Variants in ASTN2 observed in about 807,000 individuals in gnomAD.
ASTN2 encodes astrotactin 2.
In ASTN2, 54 loss-of-function variants were observed where a neutral mutation model predicts 139.8. The ratio of observed to expected loss-of-function variants is 0.39; its 90% CI spans 0.31 to 0.48. ASTN2 has a LOEUF of 0.48. Among genes scored for constraint, ASTN2 ranks in the 20% least tolerant of loss-of-function variants. ASTN2 has a pLI of 0.95. For synonymous variants in ASTN2, 756 were observed against 719.5 expected (o/e 1.05, Z -0.81); for missense variants, 1,565 against 1,725.1 (o/e 0.91, Z 1.64).
intron 13 of ASTN2, among the ~76,000 whole-genome samples, chr9:116,748,968 TTC>T (rs1398572597): frequency 6.6e-6 from 1 of 152,170 alleles, no homozygotes; most frequent in Non-Finnish European, 1.5e-5. Context: ...ACCTTATGTC[TTC>T]TCTCTCACCT....
At chr9:116,855,896 T>G (rs1452757177) in intron 11 of ASTN2, among the ~76,000 whole-genome samples, 3 of 152,250 alleles carry the variant, frequency 2.0e-5, no homozygotes, top group Non-Finnish European at 4.4e-5. Context: ...TCCGTATCAG[T>G]AATACTAGGC....
chr9:116,633,630 A>G (rs1401237145), intron 17 of ASTN2, among the ~76,000 whole-genome samples: 2 of 152,224 alleles, frequency 1.3e-5, no homozygotes, highest in African/African-American at 4.8e-5. Context: ...AGTTAATGGC[A>G]AGTTCCTAAA....
At chr9:116,518,223 A>G (rs1850728915) in intron 19 of ASTN2, among the ~76,000 whole-genome samples, 1 of 152,176 alleles carries the variant, frequency 6.6e-6, no homozygotes, top group Non-Finnish European at 1.5e-5. Flanking sequence ...ATCTAAAATC[A>G]GGACAAAGGA....
intron 10 of ASTN2, among the ~76,000 whole-genome samples, chr9:116,974,550 C>T (rs1836293241): frequency 6.9e-6 from 1 of 144,848 alleles, no homozygotes; most frequent in Admixed American, 7.1e-5. Flanking sequence ...ACTCTGTTCC[C>T]CAGGCTGGAG....
intron 1 of ASTN2, among the ~76,000 whole-genome samples, chr9:117,356,278 C>T (rs1829537255): frequency 6.6e-6 from 1 of 152,212 alleles, no homozygotes; most frequent in South Asian, 2.1e-4. Flanking sequence ...GGGGGTTAGA[C>T]TTTTCCAGGG....
chr9:116,974,653 C>T (rs965748430), intron 10 of ASTN2, among the ~76,000 whole-genome samples: 25 of 151,846 alleles, frequency 1.6e-4, no homozygotes, highest in African/African-American at 5.3e-4. Context: ...GGATTATAGG[C>T]GTGCACCATC....
intron 13 of ASTN2, among the ~76,000 whole-genome samples, chr9:116,803,504 ATATATATATATATATATATT>A (rs1303682477): frequency 1.0e-3 from 7 of 6,942 alleles, no homozygotes; most frequent in African/African-American, 4.7e-3. Flanking sequence ...ATATATATAT[ATATATATATATATATATATT>A]TTTTTTTTTT....
chr9:116,847,018 A>C (rs1199898544), intron 11 of ASTN2, among the ~76,000 whole-genome samples: 19 of 146,166 alleles, frequency 1.3e-4, no homozygotes, highest in South Asian at 4.3e-4. Flanking sequence ...AAAAAAAAAA[A>C]AAAAAAAACA....
intron 16 of ASTN2, among the ~76,000 whole-genome samples, chr9:116,708,175 G>C (rs1564224939): frequency 6.6e-6 from 1 of 152,148 alleles, no homozygotes; most frequent in Non-Finnish European, 1.5e-5. Flanking sequence ...ATTTGGAGAA[G>C]AGTGACTATC....
At chr9:117,253,924 A>T (rs576123836) in intron 2 of ASTN2, among the ~76,000 whole-genome samples, 2 of 152,254 alleles carry the variant, frequency 1.3e-5, no homozygotes, top group East Asian at 3.9e-4. Context: ...TCTTATCTGC[A>T]TGAAGTGCCA....
At position 116,587,285 on chromosome 9, in the gene ASTN2, G is replaced by A. The variant is rs1393035306; in HGVS notation, c.3355+31039C>T. On this transcript the variant is annotated intron_variant, in intron 19 of 22. Coordinates refer to ENST00000313400, the MANE Select transcript of ASTN2 (RefSeq NM_001365068.1). ...GAACCCAGGAGGAGGAGGTTGTGGT[G>A]AGCTAAGATCACACCACTGCACTCC... Among the ~76,000 whole-genome samples, 3 of 148,110 alleles carry A rather than the reference G, an allele frequency of 2.0e-5. No homozygotes were observed. The Admixed American group carries it at 2.1e-4, about 10-fold the overall frequency.
chr9:116,982,614 G>A (rs1398665614), intron 7 of ASTN2, among the ~76,000 whole-genome samples: 1 of 151,914 alleles, frequency 6.6e-6, no homozygotes, highest in Non-Finnish European at 1.5e-5. Context: ...TGCCCAAGCT[G>A]GAGTTCAGTG....
intron 19 of ASTN2, among the ~76,000 whole-genome samples, chr9:116,511,793 A>T (rs191839510): frequency 6.6e-6 from 1 of 151,972 alleles, no homozygotes; most frequent in Non-Finnish European, 1.5e-5. Context: ...ATTTGCGTAG[A>T]GGTGTTTATA....
intron 10 of ASTN2, among the ~76,000 whole-genome samples, chr9:116,909,037 C>G (rs781048320): frequency 6.6e-6 from 1 of 152,070 alleles, no homozygotes; most frequent in African/African-American, 2.4e-5. Flanking sequence ...GGGGTCAGAT[C>G]AGAAAGAACT....
chr9:117,036,802 C>T (rs748417173), intron 6 of ASTN2, among the ~76,000 whole-genome samples: 37 of 152,250 alleles, frequency 2.4e-4, no homozygotes, highest in South Asian at 1.0e-3. Context: ...GGGTGCTTTC[C>T]CACATGGTCT....
rs192451226 is a variant in ASTN2 at position 117,319,024 on chromosome 9, G to T, written c.443-27511C>A. On this transcript the variant is annotated intron_variant, in intron 1 of 22. Coordinates refer to ENST00000313400, the MANE Select transcript of ASTN2 (RefSeq NM_001365068.1). ...CCTCTTGGAAAATTGCTTCTTCTGA[G>T]GACTCCTGGGAAAAATTCCTTCTCT... Among the ~76,000 whole-genome samples the T allele has an allele frequency of 4.9e-4, 74 of 152,230 alleles. 1 individual carries two copies. The highest frequency in any genetic ancestry group is 1.6e-3 in the African/African-American group (65 of 41,532).
At chr9:117,013,840 C>A (rs1280825050) in intron 6 of ASTN2, among the ~76,000 whole-genome samples, 1 of 152,106 alleles carries the variant, frequency 6.6e-6, no homozygotes, top group Non-Finnish European at 1.5e-5. Flanking sequence ...GAGAGCCAGA[C>A]AGCAGCTGCA....
At chr9:116,744,533 T>C (rs1021762559) in intron 13 of ASTN2, among the ~76,000 whole-genome samples, 6 of 152,026 alleles carry the variant, frequency 3.9e-5, no homozygotes, top group Non-Finnish European at 7.4e-5. Flanking sequence ...ACCGATTAGA[T>C]GGACAACAGA....
At chr9:117,383,742 T>C (rs1830327464) in intron 1 of ASTN2, among the ~76,000 whole-genome samples, 1 of 152,156 alleles carries the variant, frequency 6.6e-6, no homozygotes, top group African/African-American at 2.4e-5. Context: ...ACATGCCTCA[T>C]TGTCCAAAAG....
Sources: allele counts gnomAD v4.1 joint callset (sites outside exome capture counted in the v4.1 genomes callset), GRCh38; gene constraint gnomAD v4.1.1; transcripts MANE v1.5; gene names NCBI Gene and HGNC (gene_info 2026-07-23, HGNC 2026-07-21).